The following TMEM120B variants were observed in gnomAD, a reference collection of about 807,000 sequenced individuals.
TMEM120B encodes the protein transmembrane protein 120B.
A neutral mutation model predicts 55.5 loss-of-function variants in TMEM120B; 31 were observed. The observed-to-expected ratio is 0.56, with a 90% CI of 0.42 to 0.75. TMEM120B has a LOEUF of 0.75. TMEM120B is among the 30% of genes least tolerant of loss of function. TMEM120B has a pLI of 0.00. For synonymous variants in TMEM120B, 203 were observed against 176.3 expected (o/e 1.15, Z -1.20); for missense variants, 399 against 425.5 (o/e 0.94, Z 0.55).
At position 121,779,666 on chromosome 12, in the gene TMEM120B, G is replaced by C. The variant is rs1874375091; in HGVS notation, c.*3944G>C. 7 of 1,613,660 alleles carry C rather than the reference G, an allele frequency of 4.3e-6. No homozygotes were observed. Among genetic ancestry groups the C allele is most frequent in the African/African-American group, 4.0e-5 (3 of 75,082 alleles). On this transcript the variant is annotated 3_prime_UTR_variant, in exon 12 of 12. Transcript: ENST00000449592. ...TCTGTTCGCAGGCGCTCAGGCCCTG[G>C]GTGGGGGGAGGAGCCAGCATTAGGT...
Position 121,779,544 on chromosome 12 carries a change from T to C in TMEM120B, c.*3822T>C, listed in dbSNP as rs1874365759. 3 of 1,613,278 alleles carry C rather than the reference T, an allele frequency of 1.9e-6. No homozygotes were observed. Among genetic ancestry groups the C allele is most frequent in the Middle Eastern group, 1.6e-4 (1 of 6,062 alleles). On this transcript the variant is annotated 3_prime_UTR_variant, in exon 12 of 12. Transcript: ENST00000449592. ...GCGCTTCTTCTGCCGTTGCGCCTTC[T>C]TCAGAGCGCTGAGAGCCACCTTGGC...
At chr12:121,763,236 C>G (rs141726823) in intron 6 of TMEM120B, among the ~76,000 whole-genome samples, 4,485 of 147,332 alleles carry the variant, frequency 0.03, 99 homozygotes, top group Non-Finnish European at 0.05. Flanking sequence ...AATCTCGGCT[C>G]ACTGCAACCT....
In TMEM120B at chr12:121,775,479, C is replaced by A. The variant is rs986230121; in HGVS notation, c.907-130C>A. 1.0e-5 allele frequency: 15 copies of A among 1,453,586 alleles called. No individual in the cohort carries two copies. Among genetic ancestry groups the A allele is most frequent in the Non-Finnish European group, 1.4e-5 (15 of 1,107,480 alleles). The allele number at this position is 1,453,586 out of a possible 1,614,324, so 90.0% of individuals were successfully genotyped here. ...CCCTTCCCCCAGGTCTCCTGAATCT[C>A]TGCCTTCGATGGCAAAACCCTGCAG... On this transcript the variant is annotated intron_variant, in intron 11 of 11. Transcript: ENST00000449592. The surrounding 1 kb of genome is among the most constrained non-coding windows in gnomAD (Gnocchi z 4.3).
At chr12:121,713,278 G>A (rs1418723202) in intron 1 of TMEM120B, among the ~76,000 whole-genome samples, 1 of 152,180 alleles carries the variant, frequency 6.6e-6, no homozygotes, top group African/African-American at 2.4e-5. Flanking sequence ...TTCATCTGTG[G>A]GGGTGGTTCA....
rs768902409 is a variant in TMEM120B, at chr12:121,750,464, A to G, written c.365+25A>G. 2.0e-5 allele frequency: 29 copies of G among 1,479,228 alleles called. No homozygotes were observed. In the South Asian group the frequency reaches 2.5e-4, roughly 13 times the overall value. 91.6% of individuals were successfully genotyped at this position (1,479,228 alleles called of 1,614,324 possible). A position where few individuals can be genotyped will look rare whatever the true frequency, so the allele number is the denominator to read the frequency against. On this transcript the variant is annotated intron_variant, in intron 4 of 11. Coordinates refer to ENST00000449592, the MANE Select transcript of TMEM120B (RefSeq NM_001080825.2). ...AGTAAGTGTCCCCCACCCACCACCC[A>G]GACCCACACCTCACACCGCCCCCAC...
intron 1 of TMEM120B, among the ~76,000 whole-genome samples, chr12:121,732,491 A>C (rs1895019779): frequency 6.6e-6 from 1 of 152,146 alleles, no homozygotes; most frequent in Admixed American, 6.6e-5. Flanking sequence ...TCAGGGGACA[A>C]AATTATGGGA....
chr12:121,723,502 G>A (rs537888001), intron 1 of TMEM120B, among the ~76,000 whole-genome samples: 37 of 152,280 alleles, frequency 2.4e-4, no homozygotes, highest in African/African-American at 8.4e-4. Context: ...GGCAGGAGCT[G>A]CCAGTGAGGA....
At chr12:121,735,741 A>G (rs1277507209) in intron 1 of TMEM120B, among the ~76,000 whole-genome samples, 1 of 150,540 alleles carries the variant, frequency 6.6e-6, no homozygotes, top group East Asian at 1.9e-4. Flanking sequence ...CCCAGGCTGG[A>G]GTGCAGTGGC....
At chr12:121,760,010 A>C (rs900186440) in intron 5 of TMEM120B, among the ~76,000 whole-genome samples, 2 of 151,422 alleles carry the variant, frequency 1.3e-5, no homozygotes, top group African/African-American at 4.9e-5. Context: ...GTGCACCCAT[A>C]GTCCCAGCTA....
At chr12:121,774,371 C>A (rs543187350) in intron 9 of TMEM120B, among the ~76,000 whole-genome samples, 1 of 152,286 alleles carries the variant, frequency 6.6e-6, no homozygotes, top group South Asian at 2.1e-4. Flanking sequence ...AAATGCAAAA[C>A]CCTGTGCAGA....
chr12:121,750,356 CCCCTCACA>C lies in TMEM120B; in HGVS notation c.306-23_306-16del. 1 of 1,608,724 alleles carries C rather than the reference CCCCTCACA, an allele frequency of 6.2e-7. No homozygotes were observed. Among genetic ancestry groups the C allele is most frequent in the East Asian group, 2.2e-5 (1 of 44,876 alleles). Reference sequence around the variant, plus strand: ...TCGCACCCACCTGCTAAGGATCATGCCCCTCACAGGTGTTTCCTTCCAGGCTCTACTTG... The same window carrying C: ...TCGCACCCACCTGCTAAGGATCATGCGGTGTTTCCTTCCAGGCTCTACTTG... On this transcript the variant is annotated splice_polypyrimidine_tract_variant and intron_variant, in intron 3 of 11. Transcript: ENST00000449592.
chr12:121,733,260 TGAGA>T (rs1030165077), intron 1 of TMEM120B, among the ~76,000 whole-genome samples: 5 of 152,190 alleles, frequency 3.3e-5, no homozygotes, highest in Admixed American at 6.6e-5. Context: ...TTTTTATTTT[TGAGA>T]GAGAGAGTCT....
chr12:121,726,992 A>C (rs1894908881), intron 1 of TMEM120B, among the ~76,000 whole-genome samples: 1 of 151,526 alleles, frequency 6.6e-6, no homozygotes. Context: ...TGGGAGGCTA[A>C]GGCAGGATCA....
chr12:121,771,598 A>G (rs1310152162), intron 8 of TMEM120B, 49 bp downstream of exon 8: 3 of 1,570,582 alleles, frequency 1.9e-6, no homozygotes, highest in Non-Finnish European at 2.6e-6. Flanking sequence ...GTTTTCTGAG[A>G]CTTTCACCAA....
chr12:121,749,083 G>A (rs915237373), intron 3 of TMEM120B, among the ~76,000 whole-genome samples: 1 of 152,252 alleles, frequency 6.6e-6, no homozygotes. Flanking sequence ...CCTGTTTTCC[G>A]GATCAGCCTC....
intron 6 of TMEM120B, among the ~76,000 whole-genome samples, chr12:121,765,329 C>G (rs542556942): frequency 6.6e-6 from 1 of 152,034 alleles, no homozygotes; most frequent in Non-Finnish European, 1.5e-5. Flanking sequence ...GGGGTTTCAC[C>G]GTGCTGGCCA....
At chr12:121,718,417 A>G (rs1364571287) in intron 1 of TMEM120B, among the ~76,000 whole-genome samples, 1 of 152,142 alleles carries the variant, frequency 6.6e-6, no homozygotes, top group Admixed American at 6.6e-5. Flanking sequence ...GAGGCTGAAG[A>G]ATCGCTTGAA....
intron 5 of TMEM120B, chr12:121,759,088 C>T: frequency 1.1e-6 from 1 of 929,698 alleles, no homozygotes; most frequent in Non-Finnish European, 1.3e-6. Context: ...CTTAACACTG[C>T]AGACAACCTA....
intron 5 of TMEM120B, 82 bp downstream of exon 5, chr12:121,752,305 G>A (rs911892043): frequency 1.8e-5 from 22 of 1,191,608 alleles, no homozygotes; most frequent in Middle Eastern, 1.9e-4. Context: ...CAGGGGACCC[G>A]GAGCCTCTCC....
Sources: gnomAD v4.1 joint callset for allele counts (sites outside exome capture counted in the v4.1 genomes callset) on GRCh38, gnomAD v4.1.1 for gene constraint, Gnocchi (gnomAD v3.1) non-coding constraint, MANE v1.5 for transcripts, NCBI Gene and HGNC (gene_info 2026-07-23, HGNC 2026-07-21) for gene names.